DYNC1I1: variants seen among roughly 807,000 people sequenced by gnomAD.
The protein encoded by DYNC1I1 is cytoplasmic dynein 1 intermediate chain 1.
In DYNC1I1, 43 loss-of-function variants were observed where a neutral mutation model predicts 86.6. The ratio of observed to expected loss-of-function variants is 0.50; its 90% CI spans 0.39 to 0.64. DYNC1I1 has a LOEUF of 0.64. Among genes scored for constraint, DYNC1I1 ranks in the 30% least tolerant of loss-of-function variants. The pLI is 0.00. For missense variants in DYNC1I1, 604 were observed against 788.8 expected (o/e 0.77, Z 2.81); for synonymous variants, 262 against 283.7 (o/e 0.92, Z 0.77).
intron 9 of DYNC1I1, among the ~76,000 whole-genome samples, chr7:95,990,465 G>A (rs1288349997): frequency 6.6e-6 from 1 of 152,132 alleles, no homozygotes; most frequent in Non-Finnish European, 1.5e-5. Context: ...CACGAACATG[G>A]ATTTGACACC....
chr7:95,904,728 G>A (rs1220210291), intron 6 of DYNC1I1, among the ~76,000 whole-genome samples: 1 of 152,150 alleles, frequency 6.6e-6, no homozygotes, highest in African/African-American at 2.4e-5. Context: ...AGAAGGGAAT[G>A]TGATCTTGAA....
At chr7:95,950,196 C>T (rs1792515824) in intron 6 of DYNC1I1, among the ~76,000 whole-genome samples, 1 of 152,150 alleles carries the variant, frequency 6.6e-6, no homozygotes, top group African/African-American at 2.4e-5. Flanking sequence ...CCCTGAGAGA[C>T]ATATTTCTGC....
chr7:95,975,746 G>A (rs1336398759), intron 6 of DYNC1I1, among the ~76,000 whole-genome samples: 1 of 152,164 alleles, frequency 6.6e-6, no homozygotes, highest in East Asian at 1.9e-4. Context: ...GGGCATGGCT[G>A]CTGAATCTGT....
rs1315223413 is a variant in DYNC1I1 at position 95,832,538 on chromosome 7, T to C, written c.374+4422T>C. 1.8e-4 allele frequency among the ~76,000 whole-genome samples: 27 copies of C among 151,874 alleles called. No homozygotes were observed. In the East Asian group the frequency reaches 2.5e-3, roughly 14 times the overall value. On this transcript the variant is annotated intron_variant, in intron 5 of 16. Coordinates refer to ENST00000447467, the MANE Select transcript of DYNC1I1 (RefSeq NM_001135556.2). The stretch of plus-strand genomic sequence containing the variant: ...TTCTAGTTCTAGATCCCTGAGGAAT[T>C]GCCACACTGACTTCCACAATGGTTG...
At chr7:96,033,085 A>G (rs958868947) in intron 12 of DYNC1I1, among the ~76,000 whole-genome samples, 5 of 152,208 alleles carry the variant, frequency 3.3e-5, no homozygotes, top group African/African-American at 9.7e-5. Context: ...CACTTACCCT[A>G]CAGCATTGTT....
chr7:96,064,251 T>C (rs1789888723), intron 14 of DYNC1I1, among the ~76,000 whole-genome samples: 1 of 150,744 alleles, frequency 6.6e-6, no homozygotes, highest in Non-Finnish European at 1.5e-5. Context: ...TCTCTCTCCC[T>C]CTCTCAGTGT....
At chr7:95,848,004 A>T (rs1263371257) in intron 5 of DYNC1I1, among the ~76,000 whole-genome samples, 3 of 152,150 alleles carry the variant, frequency 2.0e-5, no homozygotes, top group Non-Finnish European at 4.4e-5. Flanking sequence ...TTTACAAATA[A>T]AATTGTATGT....
chr7:95,926,105 G>C (rs1791738019), intron 6 of DYNC1I1, among the ~76,000 whole-genome samples: 1 of 152,128 alleles, frequency 6.6e-6, no homozygotes. Context: ...TTGCTGAAAG[G>C]CAGCTTGGTT....
At chr7:96,007,363 G>C (rs319315) in intron 10 of DYNC1I1, among the ~76,000 whole-genome samples, 50,789 of 152,038 alleles carry the variant, frequency 0.33, 9,091 homozygotes, top group African/African-American at 0.46. Context: ...ATCTTGCCTA[G>C]CAATGGAATG....
At position 95,818,969 on chromosome 7, in the gene DYNC1I1, G is replaced by A. The variant is rs114687750; in HGVS notation, c.314+5632G>A. 197 of 153,398 alleles carry A rather than the reference G, an allele frequency of 1.3e-3. 1 individual carries two copies. Among genetic ancestry groups the A allele is most frequent in the African/African-American group, 4.5e-3 (185 of 41,536 alleles). The allele number at this position is 153,398 out of a possible 1,614,324, so 9.5% of individuals were successfully genotyped here. A position where few individuals can be genotyped will look rare whatever the true frequency, so the allele number is the denominator to read the frequency against. On this transcript the variant is annotated intron_variant, in intron 4 of 16. Transcript: ENST00000447467. ...AAATCCTGTAGTATTTAAAACTGATGCCTGTGCTCACAATTAGCAGCATTT... is the reference window on the plus strand; with the variant it reads ...AAATCCTGTAGTATTTAAAACTGATACCTGTGCTCACAATTAGCAGCATTT...
chr7:96,038,478 T>G (rs1388902474), intron 13 of DYNC1I1, among the ~76,000 whole-genome samples: 1 of 152,210 alleles, frequency 6.6e-6, no homozygotes. Context: ...TGTAATTTTT[T>G]AAATGTCTAT....
chr7:95,838,140 T>G (rs921282802), intron 5 of DYNC1I1, among the ~76,000 whole-genome samples: 2 of 152,226 alleles, frequency 1.3e-5, no homozygotes, highest in African/African-American at 4.8e-5. Flanking sequence ...TTCTTACATT[T>G]TCTTTTAGGA....
chr7:96,097,553 C>T lies in DYNC1I1; in HGVS notation c.1847C>T (p.Ala616Val), dbSNP rs556401895. ...RTLVEIRANR[A>V]DSEEEGTVEL... Reference sequence around the variant, plus strand: ...CTTGTGGAAATTCGTGCTAACAGAGCTGATAGCGAGGAGGAAGGCACTGTT... The same window carrying T: ...CTTGTGGAAATTCGTGCTAACAGAGTTGATAGCGAGGAGGAAGGCACTGTT... The change falls in exon 17 of 17, where the codon GCT becomes GTT. Residue 616 changes from alanine (A) to valine (V), a missense_variant. Coordinates refer to ENST00000447467, the MANE Select transcript of DYNC1I1 (RefSeq NM_001135556.2). 19 of 1,613,818 alleles carry T rather than the reference C, an allele frequency of 1.2e-5. No homozygotes were observed. Among genetic ancestry groups the T allele is most frequent in the Non-Finnish European group, 1.6e-5 (19 of 1,179,788 alleles).
intron 6 of DYNC1I1, among the ~76,000 whole-genome samples, chr7:95,910,803 G>A (rs1385937645): frequency 1.3e-5 from 2 of 152,154 alleles, no homozygotes; most frequent in African/African-American, 4.8e-5. Flanking sequence ...CCCCTCACAG[G>A]GTTGTTTTGA....
chr7:96,038,709 A>G (rs1324242933), intron 13 of DYNC1I1, among the ~76,000 whole-genome samples: 2 of 152,194 alleles, frequency 1.3e-5, no homozygotes, highest in Non-Finnish European at 2.9e-5. Context: ...TCTCCATATT[A>G]TATTTAAATT....
chr7:96,016,302 G>GT (rs75914318), intron 10 of DYNC1I1, among the ~76,000 whole-genome samples: 944 of 132,692 alleles, frequency 7.1e-3, no homozygotes, highest in Admixed American at 0.01. Flanking sequence ...AACACTTTAG[G>GT]TTTTTTTTTT....
At position 95,920,199 on chromosome 7, in the gene DYNC1I1, C is replaced by A. The variant is rs185593901; in HGVS notation, c.490+50201C>A. Reference sequence around the variant, plus strand: ...CAATGAATCATGTTAGTAGCATGTGCCTTTAGAATGAGATGAGGAGCATGG... The same window carrying A: ...CAATGAATCATGTTAGTAGCATGTGACTTTAGAATGAGATGAGGAGCATGG... On this transcript the variant is annotated intron_variant, in intron 6 of 16. Transcript: ENST00000447467. Among the ~76,000 whole-genome samples, 12 of 152,276 alleles carry A rather than the reference C, an allele frequency of 7.9e-5. No homozygotes were observed. The East Asian group carries it at 2.1e-3, about 27-fold the overall frequency.
chr7:95,783,446 G>C (rs1794048090), intron 1 of DYNC1I1, among the ~76,000 whole-genome samples: 1 of 152,062 alleles, frequency 6.6e-6, no homozygotes, highest in South Asian at 2.1e-4. Flanking sequence ...CAGATCGTAG[G>C]GGCCAATGTC....
chr7:95,980,866 C>A (rs987906492), intron 7 of DYNC1I1, among the ~76,000 whole-genome samples: 1 of 152,006 alleles, frequency 6.6e-6, no homozygotes, highest in Non-Finnish European at 1.5e-5. Context: ...AACTCATAAA[C>A]CTCACATTGA....
Sources: gnomAD v4.1 joint callset for allele counts (sites outside exome capture counted in the v4.1 genomes callset) on GRCh38, gnomAD v4.1.1 for gene constraint, MANE v1.5 for transcripts, NCBI Gene and HGNC (gene_info 2026-07-23, HGNC 2026-07-21) for gene names.